Variants in IQSEC2 observed in about 807,000 individuals in gnomAD.
The protein encoded by IQSEC2 is IQ motif and SEC7 domain-containing protein 2.
IQSEC2 carries 6 observed loss-of-function variants against 74.6 expected under a neutral mutation model. The ratio of observed to expected loss-of-function variants is 0.08; its 90% CI spans 0.04 to 0.16. IQSEC2 has a LOEUF of 0.16. IQSEC2 is among the 10% of genes least tolerant of loss of function. The pLI, the probability that IQSEC2 is intolerant of heterozygous loss-of-function variation, is 1.00. For missense variants in IQSEC2, 734 were observed against 1,306.2 expected, an observed-to-expected ratio of 0.56 and a Z score of 6.75; for synonymous variants, 494 against 544.5, an observed-to-expected ratio of 0.91 and a Z score of 1.29.
chrX:53,306,976 T>TAA, intron 1 of IQSEC2, among the ~76,000 whole-genome samples: 1 of 110,574 alleles, frequency 9.0e-6, no homozygotes, highest in Admixed American at 9.7e-5. Flanking sequence ...AAGGTAAGTA[T>TAA]ATGACATCCT....
chrX:53,312,232 TC>T (rs1377929402), intron 1 of IQSEC2, among the ~76,000 whole-genome samples: 2 of 110,854 alleles, frequency 1.8e-5, no homozygotes, highest in African/African-American at 6.6e-5. Flanking sequence ...CTCAAACTCA[TC>T]CTCCAAGCCT....
At chrX:53,279,592 T>G (rs782805573) in intron 2 of IQSEC2, 3 of 1,201,013 alleles carry the variant, frequency 2.5e-6, no homozygotes, top group Non-Finnish European at 3.4e-6. Flanking sequence ...CCTGAGGGGG[T>G]AAGCTTCATG....
At chrX:53,272,331 A>G (rs1052518378) in intron 2 of IQSEC2, among the ~76,000 whole-genome samples, 3 of 111,367 alleles carry the variant, frequency 2.7e-5, no homozygotes, top group Admixed American at 9.5e-5. Flanking sequence ...TACTGAAATC[A>G]ACACTAATAA....
chrX:53,252,377 A>C (rs1969892), intron 4 of IQSEC2, among the ~76,000 whole-genome samples: 1,355 of 43,506 alleles, frequency 0.031, 15 homozygotes, highest in Middle Eastern at 0.15. Context: ...AATTTATTAA[A>C]AAAAAAAAAA....
chrX:53,246,520 G>A (rs972255575), intron 8 of IQSEC2, among the ~76,000 whole-genome samples: 7 of 112,110 alleles, frequency 6.2e-5, no homozygotes, highest in African/African-American at 9.7e-5. Context: ...CACACTAAGC[G>A]CTAAGTGTTG....
rs2074336616 is a variant in IQSEC2, at chrX:53,248,227, C to T, written c.2469G>A (p.Val823=). The T allele has an allele frequency of 5.0e-6, 6 of 1,207,598 alleles. No homozygotes were observed. The highest frequency in any genetic ancestry group is 3.5e-5 in the African/African-American group (2 of 56,879). Reference sequence around the variant, plus strand: ...CCATGGAGGAGAAGTCCATCTCATCCACCACACAGCTAAGGAGCAAAGAAG... The same window carrying T: ...CCATGGAGGAGAAGTCCATCTCATCTACCACACAGCTAAGGAGCAAAGAAG... The part of the protein sequence containing the change: ...QFNRDVLDCV[V]DEMDFSSMDL... The change falls in exon 7 of 15, where the codon GTG becomes GTA. Residue 823 remains valine (V), a synonymous_variant. Coordinates refer to ENST00000642864, the MANE Select transcript of IQSEC2 (RefSeq NM_001111125.3).
At chrX:53,257,578 T>A (rs192444819) in intron 2 of IQSEC2, among the ~76,000 whole-genome samples, 1 of 110,493 alleles carries the variant, frequency 9.1e-6, no homozygotes, top group Non-Finnish European at 1.9e-5. Context: ...TGCCCATTAA[T>A]CTCTCAAACC....
At chrX:53,315,252 G>A (rs1221188478) in intron 1 of IQSEC2, among the ~76,000 whole-genome samples, 1 of 111,661 alleles carries the variant, frequency 9.0e-6, no homozygotes, top group African/African-American at 3.3e-5. Context: ...TTAGTCGGGG[G>A]TGGTGGCACG....
At chrX:53,290,641 G>C (rs1378356964) in intron 2 of IQSEC2, among the ~76,000 whole-genome samples, 2 of 112,056 alleles carry the variant, frequency 1.8e-5, no homozygotes, top group Admixed American at 1.9e-4. Context: ...TGGACACTGG[G>C]ACTGATTGCA....
chrX:53,247,130 C>T lies in IQSEC2; in HGVS notation c.2588G>A (p.Arg863Gln), dbSNP rs781953324. Residue 863 changes from arginine (R) to glutamine (Q), a missense_variant, in exon 8 of 15, where the codon CGG becomes CAG. This residue lies in a region of IQSEC2 where 18 missense variants were observed against 46.7 expected (regional missense o/e 0.39). Coordinates refer to ENST00000642864, the MANE Select transcript of IQSEC2 (RefSeq NM_001111125.3). ...VERLIEAFSQ[R>Q]YCVCNPALVR... Reference sequence around the variant, plus strand: ...GAGGGCTGGGTTACAGACACAGTACCGCTGGCTGCAGGGCAGGAGGGGTCA... The same window carrying T: ...GAGGGCTGGGTTACAGACACAGTACTGCTGGCTGCAGGGCAGGAGGGGTCA... 1.2e-5 allele frequency: 15 copies of T among 1,207,752 alleles called. No individual in the cohort carries two copies. Among genetic ancestry groups the T allele is most frequent in the African/African-American group, 1.8e-5 (1 of 56,933 alleles).
At chrX:53,300,578 G>A (rs2075201499) in intron 1 of IQSEC2, among the ~76,000 whole-genome samples, 1 of 111,647 alleles carries the variant, frequency 9.0e-6, no homozygotes, top group African/African-American at 3.3e-5. Context: ...TCAGAGTCTG[G>A]CTTCCAGGCG....
chrX:53,288,455 C>T (rs1243947301), intron 2 of IQSEC2, among the ~76,000 whole-genome samples: 2 of 106,442 alleles, frequency 1.9e-5, no homozygotes, highest in Non-Finnish European at 3.9e-5. Context: ...GCCTAGCAAC[C>T]CCAGCCTGGT....
chrX:53,320,935 C>T lies in IQSEC2; in HGVS notation c.189G>A (p.Glu63=), dbSNP rs1365066616. ...GCTCCCCGCGGTGCAGCTGGCTCTC[C>T]TCTCGCAGGTCGCGGTTCTCCTGGG... The part of the protein sequence containing the change: ...QLTQENRDLR[E]ESQLHRGELH... Residue 63 remains glutamate (E), a synonymous_variant, in exon 1 of 15, where the codon GAG becomes GAA. Transcript: ENST00000642864. The T allele has an allele frequency of 1.5e-5, 17 of 1,161,094 alleles. No individual in the cohort carries two copies. Among genetic ancestry groups the T allele is most frequent in the Admixed American group, 7.8e-5 (3 of 38,575 alleles).
chrX:53,316,191 A>C (rs781881495), intron 1 of IQSEC2, among the ~76,000 whole-genome samples: 9 of 112,092 alleles, frequency 8.0e-5, no homozygotes, highest in Non-Finnish European at 1.5e-4. Context: ...CTGTGCACAC[A>C]GCCAAGAAAT....
chrX:53,294,685 T>C (rs782431388), intron 1 of IQSEC2, among the ~76,000 whole-genome samples: 10 of 112,104 alleles, frequency 8.9e-5, no homozygotes, highest in Non-Finnish European at 1.7e-4. Context: ...TTTATCTCTT[T>C]TATCAACTAG....
intron 2 of IQSEC2, among the ~76,000 whole-genome samples, chrX:53,284,172 G>A (rs782631583): frequency 8.1e-4 from 90 of 111,237 alleles, no homozygotes; most frequent in African/African-American, 2.9e-3. Flanking sequence ...TGTATGAAAA[G>A]CATTAATTTC....
chrX:53,235,879 C>T (rs782656702), intron 13 of IQSEC2, 47 bp from the exon 14 acceptor site: 32 of 1,126,566 alleles, frequency 2.8e-5, no homozygotes, highest in Non-Finnish European at 2.7e-5. Flanking sequence ...CAACCCCCCC[C>T]CTACCCTGCT....
intron 2 of IQSEC2, among the ~76,000 whole-genome samples, chrX:53,288,509 C>T (rs782413544): frequency 1.8e-5 from 2 of 110,796 alleles, no homozygotes; most frequent in East Asian, 5.7e-4. Context: ...TGCAGCAGTG[C>T]CTCTAGGCCT....
In IQSEC2 at chrX:53,320,585, G is replaced by C; in HGVS notation, c.539C>G (p.Pro180Arg). Residue 180 changes from proline (P) to arginine (R), a missense_variant, in exon 1 of 15, where the codon CCG (proline) becomes CGG (arginine). Pro to Arg is a moderately radical substitution (Grantham distance 103). Coordinates refer to ENST00000642864, the MANE Select transcript of IQSEC2 (RefSeq NM_001111125.3). ...RGGREAGPAH[P>R]GREKEAGYSA... ...ATAGCCCGCTTCCTTCTCGCGGCCC[G>C]GGTGCGCCGGCCCGGCCTCCCGCCC... 1 of 1,154,164 alleles carries C rather than the reference G, an allele frequency of 8.7e-7. No homozygotes were observed. Among genetic ancestry groups the C allele is most frequent in the Non-Finnish European group, 1.2e-6 (1 of 867,915 alleles).
Sources: allele counts gnomAD v4.1 joint callset (sites outside exome capture counted in the v4.1 genomes callset), GRCh38; gene constraint gnomAD v4.1.1; regional missense constraint gnomAD v4.1.1; transcripts MANE v1.5; gene names NCBI Gene and HGNC (gene_info 2026-07-23, HGNC 2026-07-21).